Variants in PCDH9 observed in about 807,000 individuals in gnomAD.
The protein encoded by PCDH9 is protocadherin-9.
A neutral mutation model predicts 70.6 loss-of-function variants in PCDH9; 24 were observed. The ratio of observed to expected loss-of-function variants is 0.34; its 90% CI spans 0.25 to 0.48. The LOEUF (loss-of-function observed/expected upper bound fraction) is 0.48, where lower values mean the gene tolerates loss of function less well. Ranked by LOEUF, PCDH9 falls within the 20% of genes least tolerant of loss-of-function variation. PCDH9 has a pLI of 0.99. For synonymous variants in PCDH9, 562 were observed against 558.5 expected (o/e 1.01, Z -0.09); for missense variants, 1,281 against 1,503.6 (o/e 0.85, Z 2.45).
At chr13:67,191,404 A>G (rs1593594626) in intron 2 of PCDH9, among the ~76,000 whole-genome samples, 1 of 152,300 alleles carries the variant, frequency 6.6e-6, no homozygotes. Context: ...AAATTTGAAT[A>G]AATTTGAAGA....
intron 4 of PCDH9, among the ~76,000 whole-genome samples, chr13:66,338,001 C>T (rs1241203885): frequency 2.6e-5 from 4 of 152,074 alleles, no homozygotes; most frequent in Non-Finnish European, 4.4e-5. Flanking sequence ...CCATTGAGAT[C>T]AGATGGACCT....
intron 3 of PCDH9, among the ~76,000 whole-genome samples, chr13:66,704,917 T>C (rs188772140): frequency 1.8e-3 from 272 of 152,306 alleles, no homozygotes; most frequent in African/African-American, 6.2e-3. Context: ...AACATATTTC[T>C]AATGCTAAAC....
intron 4 of PCDH9, among the ~76,000 whole-genome samples, chr13:66,599,528 A>T (rs1324294376): frequency 6.6e-6 from 1 of 151,302 alleles, no homozygotes; most frequent in Admixed American, 6.6e-5. Flanking sequence ...CAACTATTTA[A>T]ATCATGTACT....
intron 3 of PCDH9, among the ~76,000 whole-genome samples, chr13:66,853,122 G>A (rs1254608690): frequency 6.6e-6 from 1 of 151,202 alleles, no homozygotes; most frequent in Non-Finnish European, 1.5e-5. Context: ...ATTTTCTCCA[G>A]TATAGTACAG....
intron 2 of PCDH9, among the ~76,000 whole-genome samples, chr13:67,060,487 G>T (rs260132): frequency 0.99 from 151,076 of 152,192 alleles, 74,996 homozygotes; most frequent in East Asian, 1. Flanking sequence ...ACTATTCTTT[G>T]TTCTCACCTG....
intron 3 of PCDH9, among the ~76,000 whole-genome samples, chr13:66,713,655 T>TA (rs1474635736): frequency 1.4e-4 from 9 of 63,628 alleles, no homozygotes; most frequent in African/African-American, 5.5e-4. Flanking sequence ...ATATATATAA[T>TA]GTACACACAC....
intron 2 of PCDH9, among the ~76,000 whole-genome samples, chr13:66,965,187 A>C (rs2083411055): frequency 6.6e-6 from 1 of 152,140 alleles, no homozygotes; most frequent in African/African-American, 2.4e-5. Flanking sequence ...TCTAATTTCT[A>C]CTTTAATCAA....
chr13:66,867,908 T>G (rs2081604950), intron 3 of PCDH9, among the ~76,000 whole-genome samples: 1 of 152,012 alleles, frequency 6.6e-6, no homozygotes, highest in Non-Finnish European at 1.5e-5. Flanking sequence ...TGTAAGTTGA[T>G]GGGCAAATTA....
intron 4 of PCDH9, among the ~76,000 whole-genome samples, chr13:66,567,956 CCTAAGCCTAAATAATTG>C (rs2076676750): frequency 6.6e-6 from 1 of 152,098 alleles, no homozygotes; most frequent in Admixed American, 6.6e-5. Context: ...TGGTTTGCAT[CCTAAGCCTAAATAATTG>C]CTTAATAAAC....
At chr13:66,797,847 T>A (rs773037724) in intron 3 of PCDH9, among the ~76,000 whole-genome samples, 2 of 152,090 alleles carry the variant, frequency 1.3e-5, no homozygotes, top group Non-Finnish European at 2.9e-5. Flanking sequence ...CTAGCTAAGC[T>A]GGAACCTATT....
chr13:66,515,526 C>T (rs1476928999), intron 4 of PCDH9, among the ~76,000 whole-genome samples: 1 of 151,704 alleles, frequency 6.6e-6, no homozygotes. Flanking sequence ...TAACATTATA[C>T]ATATTTAGAA....
At chr13:66,487,757 T>C (rs1265793061) in intron 4 of PCDH9, among the ~76,000 whole-genome samples, 5 of 152,334 alleles carry the variant, frequency 3.3e-5, no homozygotes, top group Non-Finnish European at 7.4e-5. Context: ...AAGTTTCCCC[T>C]CACCTCTATT....
intron 2 of PCDH9, among the ~76,000 whole-genome samples, chr13:67,055,117 T>C (rs1275957368): frequency 6.6e-6 from 1 of 152,232 alleles, no homozygotes; most frequent in Admixed American, 6.5e-5. Flanking sequence ...TAAAAGTCAC[T>C]GAACTTTTTT....
chr13:66,328,268 A>G (rs1955880451), intron 4 of PCDH9, among the ~76,000 whole-genome samples: 1 of 152,174 alleles, frequency 6.6e-6, no homozygotes, highest in Non-Finnish European at 1.5e-5. Flanking sequence ...TAGAAATCAA[A>G]CCAGGAATAT....
chr13:66,432,578 C>T (rs1957791682), intron 4 of PCDH9, among the ~76,000 whole-genome samples: 1 of 151,776 alleles, frequency 6.6e-6, no homozygotes, highest in Non-Finnish European at 1.5e-5. Context: ...TATTTATGTA[C>T]CAGGCTGTAG....
intron 4 of PCDH9, among the ~76,000 whole-genome samples, chr13:66,382,155 A>C (rs1304632362): frequency 6.6e-6 from 1 of 152,068 alleles, no homozygotes; most frequent in Non-Finnish European, 1.5e-5. Context: ...TTAAAAGTGA[A>C]CTCTTACTCA....
intron 3 of PCDH9, among the ~76,000 whole-genome samples, chr13:66,869,637 G>A (rs767846822): frequency 8.6e-5 from 13 of 151,936 alleles, no homozygotes; most frequent in Non-Finnish European, 1.5e-4. Context: ...CTTATTCTGC[G>A]TGTCTTTATG....
chr13:66,896,247 C>T (rs756116748), intron 3 of PCDH9, among the ~76,000 whole-genome samples: 4 of 152,078 alleles, frequency 2.6e-5, no homozygotes, highest in Non-Finnish European at 2.9e-5. Context: ...GATTTATACA[C>T]GGGAACTCAA....
intron 4 of PCDH9, among the ~76,000 whole-genome samples, chr13:66,518,688 G>A (rs371816315): frequency 2.9e-4 from 44 of 152,192 alleles, no homozygotes; most frequent in East Asian, 1.7e-3. Flanking sequence ...ATAAGTTTAT[G>A]GGTAACATAA....
Sources: allele counts gnomAD v4.1 joint callset (sites outside exome capture counted in the v4.1 genomes callset), GRCh38; gene constraint gnomAD v4.1.1; transcripts MANE v1.5; gene names NCBI Gene and HGNC (gene_info 2026-07-23, HGNC 2026-07-21).